The following DHRS12 variants were observed in gnomAD, a reference collection of about 807,000 sequenced individuals.
The protein encoded by DHRS12 is dehydrogenase/reductase 12, also known as dehydrogenase/reductase SDR family member 12.
In DHRS12, 29 loss-of-function variants were observed where a neutral mutation model predicts 32.1. The ratio of observed to expected loss-of-function variants is 0.90; its 90% confidence interval spans 0.67 to 1.23. The LOEUF (loss-of-function observed/expected upper bound fraction) is 1.23. Ranked by LOEUF, DHRS12 falls within the 50% of genes most tolerant of loss-of-function variation. The pLI, the probability that DHRS12 is intolerant of heterozygous loss-of-function variation, is 0.00. For synonymous variants in DHRS12, 150 were observed against 135.9 expected (o/e 1.10, Z -0.72); for missense variants, 330 against 337.2 (o/e 0.98, Z 0.17).
intron 4 of DHRS12, among the ~76,000 whole-genome samples, chr13:51,779,030 A>G (rs1474222929): frequency 6.6e-6 from 1 of 152,102 alleles, no homozygotes; most frequent in Non-Finnish European, 1.5e-5. Context: ...AAGTTCATAC[A>G]ATGTGGAAAA....
At chr13:51,787,162 A>C (rs1954997089) in intron 4 of DHRS12, among the ~76,000 whole-genome samples, 1 of 152,210 alleles carries the variant, frequency 6.6e-6, no homozygotes, top group African/African-American at 2.4e-5. Context: ...GGTTGGAATA[A>C]TCAGTAAGAT....
At chr13:51,790,155 C>T in intron 3 of DHRS12, 63 bp from the exon 4 acceptor site, 1 of 1,305,652 alleles carries the variant, frequency 7.7e-7, no homozygotes, top group Admixed American at 2.4e-5. Flanking sequence ...TATTTCCATC[C>T]CCACACCTCC....
intron 2 of DHRS12, among the ~76,000 whole-genome samples, chr13:51,792,475 C>T (rs1955322200): frequency 6.6e-6 from 1 of 152,134 alleles, no homozygotes; most frequent in Admixed American, 6.5e-5. Flanking sequence ...TTTTGGCTCA[C>T]TGCAACCTCC....
downstream of DHRS12, chr13:51,765,216 T>C (rs760407054): frequency 1.3e-5 from 2 of 152,254 alleles, no homozygotes; most frequent in Non-Finnish European, 2.9e-5. Flanking sequence ...CAAAGATCTA[T>C]GTCCAAAACT....
At chr13:51,794,176 C>G (rs2139342299) in intron 2 of DHRS12, among the ~76,000 whole-genome samples, 1 of 152,328 alleles carries the variant, frequency 6.6e-6, no homozygotes, top group Non-Finnish European at 1.5e-5. Flanking sequence ...AATGAGAAGG[C>G]TCACCTTAGG....
At chr13:51,756,586 G>C in the DHRS12 span, 1 of 1,402,924 alleles carries the variant, frequency 7.1e-7, no homozygotes, top group Non-Finnish European at 9.3e-7. Context: ...TATAGTCCAC[G>C]GCAAGCAGTA....
At chr13:51,786,169 C>T (rs1002670265) in intron 4 of DHRS12, among the ~76,000 whole-genome samples, 2 of 152,202 alleles carry the variant, frequency 1.3e-5, no homozygotes, top group African/African-American at 2.4e-5. Context: ...TGAACTTCCT[C>T]GCCTCCTGCC....
chr13:51,779,902 C>T (rs1207655011), intron 4 of DHRS12, among the ~76,000 whole-genome samples: 1 of 152,124 alleles, frequency 6.6e-6, no homozygotes, highest in Non-Finnish European at 1.5e-5. Context: ...GTCTCCTGGG[C>T]GTGGTGGCTC....
chr13:51,802,804 C>CGGG (rs1593579861), intron 1 of DHRS12, among the ~76,000 whole-genome samples: 2 of 152,236 alleles, frequency 1.3e-5, no homozygotes, highest in Admixed American at 6.5e-5. Context: ...ACTGCCTTCC[C>CGGG]CTCCCCTCCC....
intron 4 of DHRS12, among the ~76,000 whole-genome samples, chr13:51,784,824 T>C (rs1467467244): frequency 6.6e-6 from 1 of 152,250 alleles, no homozygotes; most frequent in Non-Finnish European, 1.5e-5. Context: ...ACCACATGAT[T>C]ACTGAAATTA....
intron 7 of DHRS12, among the ~76,000 whole-genome samples, chr13:51,769,588 C>T (rs1163756145): frequency 2.6e-5 from 4 of 152,112 alleles, no homozygotes; most frequent in African/African-American, 9.7e-5. Context: ...CCGCAGAGCC[C>T]TCCCTTTCCA....
intron 1 of DHRS12, among the ~76,000 whole-genome samples, chr13:51,802,868 C>G (rs540921462): frequency 6.6e-6 from 1 of 152,300 alleles, no homozygotes; most frequent in South Asian, 2.1e-4. Context: ...TCTACCTTCC[C>G]TCAAGGTGGG....
At position 51,768,307 on chromosome 13, in the gene DHRS12, G is replaced by A. The variant is rs1010682874; in HGVS notation, c.698-11C>T. 33 of 1,535,522 alleles carry A rather than the reference G, an allele frequency of 2.1e-5. No individual in the cohort carries two copies. The highest frequency in any genetic ancestry group is 1.2e-4 in the African/African-American group (9 of 73,030). ...AAACTGGCTTCCGATCTAAAAGTGA[G>A]AGGGAACCGCAGAGAGGTGTGAGCT... is the stretch of plus-strand genomic sequence containing the variant. On this transcript the variant is annotated splice_polypyrimidine_tract_variant and intron_variant, in intron 8 of 8. Coordinates refer to ENST00000444610, the MANE Select transcript of DHRS12 (RefSeq NM_001377533.1).
intron 4 of DHRS12, among the ~76,000 whole-genome samples, chr13:51,777,756 T>C (rs567914286): frequency 6.6e-6 from 1 of 152,310 alleles, no homozygotes; most frequent in South Asian, 2.1e-4. Flanking sequence ...TGTGTCAAGA[T>C]GAAGAGAAAA....
chr13:51,768,580 G>A (rs1953860100), intron 8 of DHRS12: 10 of 1,269,954 alleles, frequency 7.9e-6, no homozygotes, highest in South Asian at 4.2e-5. Flanking sequence ...ATACCCCAGG[G>A]GTCACCAGCG....
intron 4 of DHRS12, among the ~76,000 whole-genome samples, chr13:51,779,276 A>C (rs971828655): frequency 2.0e-5 from 3 of 152,110 alleles, no homozygotes; most frequent in African/African-American, 7.2e-5. Flanking sequence ...TTAAGCAAAA[A>C]ACTCCTCAGC....
At chr13:51,789,600 A>C in intron 4 of DHRS12, 3 of 985,448 alleles carry the variant, frequency 3.0e-6, no homozygotes, top group Non-Finnish European at 3.6e-6. Flanking sequence ...ACCAGAGCCC[A>C]GGTATCTGTG....
In DHRS12 at chr13:51,803,696, A is replaced by G. The variant is rs561825810; in HGVS notation, c.-9+358T>C. On this transcript the variant is annotated intron_variant, in intron 1 of 8. Transcript: ENST00000444610. ...TCCAGCCCTATCTGACGCCGCCAGC[A>G]GCACCACGAAGACACTTCCACGAGC... 93 of 190,030 alleles carry G rather than the reference A, an allele frequency of 4.9e-4. 1 individual carries two copies. The highest frequency in any genetic ancestry group is 7.7e-4 in the Non-Finnish European group (72 of 92,960). 11.8% of individuals were successfully genotyped at this position (190,030 alleles called of 1,614,324 possible).
rs540115343 is a variant in DHRS12, at chr13:51,789,700, T to C, written c.301+311A>G. Reference sequence around the variant, plus strand: ...TGGAAGTTCCTTTGGTTGCAGTTTTTAGACTTGCACTCAACACTTAAGCTG... The same window carrying C: ...TGGAAGTTCCTTTGGTTGCAGTTTTCAGACTTGCACTCAACACTTAAGCTG... On this transcript the variant is annotated intron_variant, in intron 4 of 8. Coordinates refer to ENST00000444610, the MANE Select transcript of DHRS12 (RefSeq NM_001377533.1). 24 of 985,452 alleles carry C rather than the reference T, an allele frequency of 2.4e-5. No individual in the cohort carries two copies. In the African/African-American group the frequency reaches 4.0e-4, roughly 16 times the overall value. 61.0% of individuals were successfully genotyped at this position (985,452 alleles called of 1,614,324 possible). A position where few individuals can be genotyped will look rare whatever the true frequency, so the allele number is the denominator to read the frequency against.
Sources: gnomAD v4.1 joint callset for allele counts (sites outside exome capture counted in the v4.1 genomes callset) on GRCh38, gnomAD v4.1.1 for gene constraint, MANE v1.5 for transcripts, NCBI Gene and HGNC (gene_info 2026-07-23, HGNC 2026-07-21) for gene names.